The following MACROD2 variants were observed in gnomAD, a reference collection of about 807,000 sequenced individuals.
MACROD2 encodes ADP-ribose glycohydrolase MACROD2.
MACROD2 carries 36 observed loss-of-function variants against 70.4 expected under a neutral mutation model. The observed-to-expected ratio is 0.51, with a 90% confidence interval of 0.39 to 0.68. The LOEUF (loss-of-function observed/expected upper bound fraction) is 0.68. Ranked by LOEUF, MACROD2 falls within the 30% of genes least tolerant of loss-of-function variation. The pLI is 0.00. For synonymous variants in MACROD2, 172 were observed against 178.8 expected (o/e 0.96, Z 0.30); for missense variants, 496 against 538.4 (o/e 0.92, Z 0.78).
intron 3 of MACROD2, among the ~76,000 whole-genome samples, chr20:14,273,274 C>T (rs2082215074): frequency 6.6e-6 from 1 of 151,904 alleles, no homozygotes; most frequent in Non-Finnish European, 1.5e-5. Context: ...TTTAAAAGAA[C>T]AGAAATTATA....
rs192703928 is a variant in MACROD2, at chr20:15,054,804, G to A, written c.419-175136G>A. Among the ~76,000 whole-genome samples the A allele has an allele frequency of 5.5e-3, 843 of 152,242 alleles. 2 individuals carry two copies. Among genetic ancestry groups the A allele is most frequent in the Non-Finnish European group, 8.7e-3 (590 of 68,016 alleles). On this transcript the variant is annotated intron_variant, in intron 5 of 17. Transcript: ENST00000684519. ...ACAACTTTTTTTTGTTTTGTTTTGA[G>A]ATGGAGTCTCACTCTGTCACCCAGG...
chr20:15,806,372 C>G (rs1015726831), intron 8 of MACROD2, among the ~76,000 whole-genome samples: 2 of 152,202 alleles, frequency 1.3e-5, no homozygotes, highest in African/African-American at 4.8e-5. Flanking sequence ...TGAACTTACA[C>G]TTTCACCAGT....
intron 2 of MACROD2, among the ~76,000 whole-genome samples, chr20:14,078,719 A>G (rs2053950034): frequency 6.6e-6 from 1 of 152,126 alleles, no homozygotes; most frequent in South Asian, 2.1e-4. Context: ...TAAATGAAGT[A>G]TTAATCTTGG....
chr20:16,044,772 A>G (rs1025298080), intron 17 of MACROD2, 133 bp downstream of exon 17: 5 of 763,270 alleles, frequency 6.6e-6, no homozygotes, highest in African/African-American at 5.3e-5. Flanking sequence ...GAAAATCTTT[A>G]AACCAAATAA....
At chr20:15,353,676 A>G (rs1336783526) in intron 6 of MACROD2, among the ~76,000 whole-genome samples, 1 of 149,372 alleles carries the variant, frequency 6.7e-6, no homozygotes, top group Non-Finnish European at 1.5e-5. Flanking sequence ...AACCCCATCA[A>G]AAAGTGGGCA....
intron 6 of MACROD2, among the ~76,000 whole-genome samples, chr20:15,384,327 G>A (rs117796967): frequency 0.032 from 4,826 of 152,102 alleles, 109 homozygotes; most frequent in Admixed American, 0.061. Flanking sequence ...GTGCAATCTT[G>A]GCTCACTGCA....
intron 6 of MACROD2, among the ~76,000 whole-genome samples, chr20:15,390,252 C>T (rs1471136399): frequency 6.6e-6 from 1 of 152,158 alleles, no homozygotes; most frequent in Non-Finnish European, 1.5e-5. Context: ...ATCCTTCTGC[C>T]ATTAAGGTCC....
At chr20:15,729,045 A>T (rs1242630919) in intron 8 of MACROD2, among the ~76,000 whole-genome samples, 1 of 151,942 alleles carries the variant, frequency 6.6e-6, no homozygotes, top group African/African-American at 2.4e-5. Context: ...TCTTAACATT[A>T]CTTCAGCTAT....
chr20:14,454,799 C>T lies in MACROD2; in HGVS notation c.272-38680C>T, dbSNP rs927965099. On this transcript the variant is annotated intron_variant, in intron 3 of 17. Transcript: ENST00000684519. ...ACGGAGTCTTGCTCTGTCGCCCAGG[C>T]TGGAGTGCAGTGGTGAGATCTCTGC... Among the ~76,000 whole-genome samples the T allele has an allele frequency of 3.1e-5, 4 of 128,680 alleles. 1 individual carries two copies. The highest frequency in any genetic ancestry group is 1.2e-4 in the African/African-American group (4 of 32,628). The allele number at this position is 128,680 out of a possible 152,430, so 84.4% of individuals were successfully genotyped here. A position where few individuals can be genotyped will look rare whatever the true frequency, so the allele number is the denominator to read the frequency against.
chr20:14,866,353 G>A (rs571898625), intron 5 of MACROD2, among the ~76,000 whole-genome samples: 1 of 152,070 alleles, frequency 6.6e-6, no homozygotes, highest in East Asian at 1.9e-4. Context: ...CACATCCAAA[G>A]TGCACTCCCT....
At chr20:14,780,915 A>C (rs941506898) in intron 5 of MACROD2, among the ~76,000 whole-genome samples, 4 of 152,108 alleles carry the variant, frequency 2.6e-5, no homozygotes, top group African/African-American at 9.7e-5. Context: ...GTTTTATTTT[A>C]TTTTTAATTG....
chr20:14,230,631 T>TATATATATATATATATATATA (rs1569217269), intron 3 of MACROD2, among the ~76,000 whole-genome samples: 1 of 94,262 alleles, frequency 1.1e-5, no homozygotes, highest in African/African-American at 5.5e-5. Flanking sequence ...TCATTCATGT[T>TATATATATATATATATATATA]TATATATATA....
intron 8 of MACROD2, among the ~76,000 whole-genome samples, chr20:15,522,497 C>G (rs2047666475): frequency 6.6e-6 from 1 of 152,180 alleles, no homozygotes; most frequent in South Asian, 2.1e-4. Context: ...TGTGTATATA[C>G]AAACAATAGA....
At chr20:15,992,739 G>T (rs1378778008) in intron 15 of MACROD2, among the ~76,000 whole-genome samples, 3 of 152,092 alleles carry the variant, frequency 2.0e-5, no homozygotes, top group Non-Finnish European at 4.4e-5. Context: ...TTCTGGTCTT[G>T]CCCTGAGGTG....
chr20:14,291,493 C>G (rs560308031), intron 3 of MACROD2, among the ~76,000 whole-genome samples: 48 of 151,922 alleles, frequency 3.2e-4, no homozygotes, highest in African/African-American at 1.1e-3. Context: ...AGGTTGTGCT[C>G]TTTGTTTTGC....
chr20:15,951,642 T>C (rs986516450), intron 12 of MACROD2, among the ~76,000 whole-genome samples: 1 of 152,116 alleles, frequency 6.6e-6, no homozygotes, highest in African/African-American at 2.4e-5. Context: ...AACATATATG[T>C]GTACTCAAAA....
chr20:14,202,714 C>G (rs2081489465), intron 3 of MACROD2, among the ~76,000 whole-genome samples: 1 of 152,144 alleles, frequency 6.6e-6, no homozygotes, highest in South Asian at 2.1e-4. Flanking sequence ...ATTCTTAGTT[C>G]TTGAGGAGCT....
At chr20:15,632,897 C>T (rs981563192) in intron 8 of MACROD2, among the ~76,000 whole-genome samples, 2 of 151,216 alleles carry the variant, frequency 1.3e-5, no homozygotes, top group Non-Finnish European at 2.9e-5. Context: ...TTCCATCCTT[C>T]TTTCGTTCCC....
chr20:14,468,351 T>C (rs1038527299), intron 3 of MACROD2, among the ~76,000 whole-genome samples: 3 of 151,970 alleles, frequency 2.0e-5, no homozygotes, highest in South Asian at 2.1e-4. Flanking sequence ...ATTGATTCCT[T>C]TACCATTATG....
Sources: allele counts gnomAD v4.1 joint callset (sites outside exome capture counted in the v4.1 genomes callset), GRCh38; gene constraint gnomAD v4.1.1; transcripts MANE v1.5; gene names NCBI Gene and HGNC (gene_info 2026-07-23, HGNC 2026-07-21).